MYBL2: variants seen among roughly 807,000 people sequenced by gnomAD.
MYBL2 encodes the protein MYB proto-oncogene like 2.
In MYBL2, 28 loss-of-function variants were observed where a neutral mutation model predicts 79.9. The ratio of observed to expected loss-of-function variants is 0.35; its 90% CI spans 0.26 to 0.48. MYBL2 has a LOEUF of 0.48. Ranked by LOEUF, MYBL2 falls within the 20% of genes least tolerant of loss-of-function variation. The pLI is 0.99. For synonymous variants in MYBL2, 378 were observed against 361.2 expected (o/e 1.05, Z -0.53); for missense variants, 735 against 893.9 (o/e 0.82, Z 2.27).
Position 43,671,486 on chromosome 20 carries a change from T to G in MYBL2, c.21-2320T>G, listed in dbSNP as rs1445611993. ...CCATTTTTTTTTTTTTTTTTTTTTT[T>G]TGTGAGATGGAGTTTCGCTCTTGTT... On this transcript the variant is annotated intron_variant, in intron 1 of 13. Coordinates refer to ENST00000217026, the MANE Select transcript of MYBL2 (RefSeq NM_002466.4). Among the ~76,000 whole-genome samples, 1,133 of 145,832 alleles carry G rather than the reference T, an allele frequency of 7.8e-3. 12 individuals carry two copies. Among genetic ancestry groups the G allele is most frequent in the African/African-American group, 0.028 (1,072 of 38,850 alleles).
In MYBL2 at chr20:43,699,858, G is replaced by C. The variant is rs1987639889; in HGVS notation, c.765G>C (p.Glu255Asp). 3.1e-6 allele frequency: 5 copies of C among 1,614,162 alleles called. No homozygotes were observed. Among genetic ancestry groups the C allele is most frequent in the Non-Finnish European group, 4.2e-6 (5 of 1,180,018 alleles). The change falls in exon 7 of 14, where the codon GAG becomes GAC. Residue 255 changes from glutamate (E) to aspartate (D), a missense_variant. By Grantham distance (45) the Glu-to-Asp change is conservative (BLOSUM62 2). Transcript: ENST00000217026. ...LAAATTSKEQEPIGTDLDAVR... is the reference protein window; with the variant it reads ...LAAATTSKEQDPIGTDLDAVR... ...CAGCCACCACATCGAAGGAACAGGA[G>C]CCCATCGGTACAGATCTGGACGCAG... is the stretch of plus-strand genomic sequence containing the variant.
chr20:43,675,322 CTT>C (rs35340291), intron 2 of MYBL2, among the ~76,000 whole-genome samples: 9 of 142,750 alleles, frequency 6.3e-5, no homozygotes, highest in Non-Finnish European at 3.1e-5. Context: ...AGTTTTTTTT[CTT>C]TTTTTTTTTT....
chr20:43,678,532 G>A (rs1568850604), intron 2 of MYBL2, among the ~76,000 whole-genome samples: 1 of 151,958 alleles, frequency 6.6e-6, no homozygotes, highest in Non-Finnish European at 1.5e-5. Context: ...CGGGCTTCAG[G>A]GGAGTTCATC....
At position 43,673,196 on chromosome 20, in the gene MYBL2, C is replaced by T. The variant is rs557753934; in HGVS notation, c.21-610C>T. Among the ~76,000 whole-genome samples the T allele has an allele frequency of 3.3e-5, 5 of 150,654 alleles. No homozygotes were observed. In the South Asian group the frequency reaches 8.4e-4, roughly 25 times the overall value. Reference sequence around the variant, plus strand: ...CTGACCTCAAGCAATCCACCCACCTCGGCCTCCCAAAGTGCTGGGATTACA... The same window carrying T: ...CTGACCTCAAGCAATCCACCCACCTTGGCCTCCCAAAGTGCTGGGATTACA... On this transcript the variant is annotated intron_variant, in intron 1 of 13. Transcript: ENST00000217026.
At chr20:43,682,962 G>A in intron 4 of MYBL2, 76 bp downstream of exon 4, 2 of 1,419,204 alleles carry the variant, frequency 1.4e-6, no homozygotes, top group Non-Finnish European at 2.0e-6. Context: ...AGATTGCCTT[G>A]TGTTGGGGTT....
chr20:43,714,022 A>AG (rs1427613271), intron 12 of MYBL2, among the ~76,000 whole-genome samples: 3 of 152,170 alleles, frequency 2.0e-5, no homozygotes, highest in Non-Finnish European at 4.4e-5. Flanking sequence ...TGTCCTGGCT[A>AG]GGGGTCTCTG....
chr20:43,678,303 AAAATAAAT>A lies in MYBL2; in HGVS notation c.115-3477_115-3470del, dbSNP rs11470202. Among the ~76,000 whole-genome samples, 29 of 149,034 alleles carry A rather than the reference AAAATAAAT, an allele frequency of 1.9e-4. 1 individual carries two copies. Among genetic ancestry groups the A allele is most frequent in the Admixed American group, 1.7e-3 (26 of 14,918 alleles). Reference sequence around the variant, plus strand: ...GAAACACCCAAGAATGATCAATAAAAAAATAAATAAAGAAAGAAAGAAAGAAAGAAAAA... The same window carrying A: ...GAAACACCCAAGAATGATCAATAAAAAAAGAAAGAAAGAAAGAAAGAAAAA... On this transcript the variant is annotated intron_variant, in intron 2 of 13. Transcript: ENST00000217026.
chr20:43,669,997 G>A (rs1232548232), intron 1 of MYBL2, among the ~76,000 whole-genome samples: 2 of 152,174 alleles, frequency 1.3e-5, no homozygotes, highest in Non-Finnish European at 2.9e-5. Flanking sequence ...GCGGCTATTC[G>A]GGAGGCTGAG....
Position 43,705,353 on chromosome 20 carries a change from T to G in MYBL2, c.1500T>G (p.His500Gln), listed in dbSNP as rs567754303. Residue 500 changes from histidine (H) to glutamine (Q), a missense_variant, in exon 9 of 14, where the codon CAT becomes CAG. His to Gln is a conservative substitution (Grantham distance 24). Coordinates refer to ENST00000217026, the MANE Select transcript of MYBL2 (RefSeq NM_002466.4). ...ACAAGACACCCCTGCACCAGAAACA[T>G]GCTGCGTGAGTGCTGCAGTGCCCCC... ...HRDKTPLHQK[H>Q]AAFVTPDQKY... The G allele has an allele frequency of 6.2e-7, 1 of 1,611,522 alleles. No individual in the cohort carries two copies. The highest frequency in any genetic ancestry group is 1.7e-5 in the Admixed American group (1 of 59,594).
Position 43,716,026 on chromosome 20 carries a change from C to T in MYBL2, c.2042C>T (p.Ala681Val). The T allele has an allele frequency of 6.2e-7, 1 of 1,611,670 alleles. No homozygotes were observed. Among genetic ancestry groups the T allele is most frequent in the Non-Finnish European group, 8.5e-7 (1 of 1,179,846 alleles). Reference sequence around the variant, plus strand: ...GACCAGCTTTTCATGCAGGAGAAAGCCCGGCAGCTCCTGGGCCGCCTGAAG... The same window carrying T: ...GACCAGCTTTTCATGCAGGAGAAAGTCCGGCAGCTCCTGGGCCGCCTGAAG... ...TRDQLFMQEK[A>V]RQLLGRLKPS... Residue 681 changes from alanine to valine, a missense_variant, in exon 14 of 14, where the codon GCC becomes GTC. Ala to Val is a moderately conservative substitution (Grantham distance 64). Coordinates refer to ENST00000217026, the MANE Select transcript of MYBL2 (RefSeq NM_002466.4).
At position 43,686,950 on chromosome 20, in the gene MYBL2, C is replaced by T. The variant is rs144325141; in HGVS notation, c.378C>T (p.His126=). 420 of 1,614,110 alleles carry T rather than the reference C, an allele frequency of 2.6e-4. No homozygotes were observed. The highest frequency in any genetic ancestry group is 3.2e-4 in the Non-Finnish European group (381 of 1,180,046). The change falls in exon 5 of 14, where the codon CAC becomes CAT. Residue 126 remains histidine (H), a synonymous_variant. Coordinates refer to ENST00000217026, the MANE Select transcript of MYBL2 (RefSeq NM_002466.4). Reference sequence around the variant, plus strand: ...GGAAGCAGTGCCGTGAACGCTGGCACAACCACCTCAACCCTGAGGTGAAGA... The same window carrying T: ...GGAAGCAGTGCCGTGAACGCTGGCATAACCACCTCAACCCTGAGGTGAAGA... ...RLGKQCRERW[H]NHLNPEVKKS...
At chr20:43,675,145 A>G (rs1207122392) in intron 2 of MYBL2, among the ~76,000 whole-genome samples, 1 of 151,246 alleles carries the variant, frequency 6.6e-6, no homozygotes, top group Admixed American at 6.6e-5. Flanking sequence ...ACGCCTGGCT[A>G]ATTTTTGTAT....
chr20:43,703,788 G>T (rs540432504), intron 8 of MYBL2, among the ~76,000 whole-genome samples: 2 of 152,066 alleles, frequency 1.3e-5, no homozygotes, highest in Non-Finnish European at 1.5e-5. Context: ...CCCTGTGTCG[G>T]TTTGCTCCGG....
At chr20:43,688,996 G>A (rs1282762838) in intron 5 of MYBL2, among the ~76,000 whole-genome samples, 1 of 151,960 alleles carries the variant, frequency 6.6e-6, no homozygotes, top group Non-Finnish European at 1.5e-5. Context: ...TGCCATCTTG[G>A]CCAGGCTAGT....
At chr20:43,701,499 T>C (rs2145728171) in intron 7 of MYBL2, among the ~76,000 whole-genome samples, 1 of 152,278 alleles carries the variant, frequency 6.6e-6, no homozygotes, top group South Asian at 2.1e-4. Context: ...TGTTGTGATT[T>C]ATTGGGTAAA....
chr20:43,696,727 T>C (rs1987551251), intron 6 of MYBL2, among the ~76,000 whole-genome samples: 1 of 152,294 alleles, frequency 6.6e-6, no homozygotes, highest in Admixed American at 6.5e-5. Flanking sequence ...CTGAACTGTG[T>C]GGTTGATTTT....
At chr20:43,687,712 T>G (rs1449430951) in intron 5 of MYBL2, among the ~76,000 whole-genome samples, 1 of 152,088 alleles carries the variant, frequency 6.6e-6, no homozygotes, top group Non-Finnish European at 1.5e-5. Flanking sequence ...TGTATGATAG[T>G]TATTAAAATA....
intron 2 of MYBL2, 147 bp from the exon 3 acceptor site, chr20:43,681,637 A>G (rs1263206521): frequency 1.3e-6 from 1 of 760,068 alleles, no homozygotes; most frequent in East Asian, 2.7e-5. Flanking sequence ...CTGCTGCTGC[A>G]GCTGTAGTGC....
intron 1 of MYBL2, among the ~76,000 whole-genome samples, chr20:43,672,883 C>T (rs1986900976): frequency 6.6e-6 from 1 of 152,134 alleles, no homozygotes; most frequent in Non-Finnish European, 1.5e-5. Context: ...AGGTTTGTTA[C>T]TGAAAGGAAA....
Sources: allele counts gnomAD v4.1 joint callset (sites outside exome capture counted in the v4.1 genomes callset), GRCh38; gene constraint gnomAD v4.1.1; transcripts MANE v1.5; gene names NCBI Gene and HGNC (gene_info 2026-07-23, HGNC 2026-07-21).